The following NOTCH4 variants were observed in gnomAD, a reference collection of about 807,000 sequenced individuals.
NOTCH4 encodes the protein notch receptor 4, also known as neurogenic locus notch homolog protein 4.
A neutral mutation model predicts 189.0 loss-of-function variants in NOTCH4; 138 were observed. That is an observed-to-expected ratio of 0.73 (90% CI 0.64 to 0.84). NOTCH4 has a LOEUF of 0.84. Ranked by LOEUF, NOTCH4 falls within the 40% of genes least tolerant of loss-of-function variation. The pLI is 0.00. For missense variants in NOTCH4, 2,286 were observed against 2,605.4 expected, an observed-to-expected ratio of 0.88 and a Z score of 2.67; for synonymous variants, 942 against 1,032.8, an observed-to-expected ratio of 0.91 and a Z score of 1.69.
chr6:32,207,081 C>G (rs977039027), intron 18 of NOTCH4, among the ~76,000 whole-genome samples: 1 of 151,672 alleles, frequency 6.6e-6, no homozygotes, highest in Non-Finnish European at 1.5e-5. Flanking sequence ...AGGTGCGCAC[C>G]ACCATGCCTG....
At chr6:32,196,235 C>T in intron 29 of NOTCH4, 85 bp from the exon 30 acceptor site, 1 of 1,611,214 alleles carries the variant, frequency 6.2e-7, no homozygotes, top group Non-Finnish European at 8.5e-7. Context: ...CGACCACTGG[C>T]CCCTATCCCT....
chr6:32,205,777 C>T lies in NOTCH4; in HGVS notation c.2866-1388G>A, dbSNP rs1478103394. ...GCACGGTGGCTCACGCCTGTAATCC[C>T]AGCAGTTTGGGAGGTCAAGGCGGGT... On this transcript the variant is annotated intron_variant, in intron 18 of 29. Transcript: ENST00000375023. Among the ~76,000 whole-genome samples the T allele has an allele frequency of 2.0e-5, 3 of 151,968 alleles. No individual in the cohort carries two copies. In the East Asian group the frequency reaches 5.9e-4, roughly 30 times the overall value.
At position 32,198,667 on chromosome 6, in the gene NOTCH4, C is replaced by G. The variant is rs1788133932; in HGVS notation, c.4599G>C (p.Glu1533Asp). 2.5e-6 allele frequency: 4 copies of G among 1,612,608 alleles called. No homozygotes were observed. Among genetic ancestry groups the G allele is most frequent in the South Asian group, 1.1e-5 (1 of 91,000 alleles). The change falls in exon 25 of 30, where the codon GAG becomes GAC. Residue 1533 changes from glutamate (E) to aspartate (D), a missense_variant. By Grantham distance (45) the Glu-to-Asp change is conservative. Around this residue, in one of 2 missense-constraint regions of NOTCH4, gnomAD observed 1,903 missense variants for 2,261.9 expected, o/e 0.84. Coordinates refer to ENST00000375023, the MANE Select transcript of NOTCH4 (RefSeq NM_004557.4). This position sits in a 1 kb window ranked among gnomAD's most constrained non-coding sequence, Gnocchi z 5.5. ...DGVVMCSGPE[E>D]GEEVGQAEET... ...CTTTCACCTGGCCCACCTCCTCTCC[C>G]TCCTCAGGGCCTGAGCACATCACAA... is the stretch of plus-strand genomic sequence containing the variant.
At position 32,196,400 on chromosome 6, in the gene NOTCH4, G is replaced by A. The variant is rs752717843; in HGVS notation, c.5222C>T (p.Ala1741Val). ...DKWGKTALHW[A>V]AAVNNARAAR... ...GGCTCGGGCGTTGTTCACGGCAGCA[G>A]CCCAGTGCAGCGCAGTTTTCCCTAG... Residue 1741 changes from alanine (A) to valine (V), a missense_variant, in exon 29 of 30, where the codon GCT (alanine) becomes GTT (valine). Transcript: ENST00000375023. The A allele has an allele frequency of 1.2e-6, 2 of 1,613,022 alleles. No homozygotes were observed. Among genetic ancestry groups the A allele is most frequent in the Admixed American group, 1.7e-5 (1 of 60,008 alleles).
In NOTCH4 at chr6:32,197,457, C is replaced by T. The variant is rs1364647067; in HGVS notation, c.4894G>A (p.Gly1632Ser). ...GGACPQAHTV[G>S]TGETPLHLAA... ...AGGTGCAGGGGGGTCTCCCCAGTGCCCACGGTGTGAGCCTGGGGACAGGCC... is the reference window on the plus strand; with the variant it reads ...AGGTGCAGGGGGGTCTCCCCAGTGCTCACGGTGTGAGCCTGGGGACAGGCC... The change falls in exon 27 of 30, where the codon GGC (glycine) becomes AGC (serine). Residue 1632 changes from glycine to serine, a missense_variant. Around this residue, in one of 2 missense-constraint regions of NOTCH4, gnomAD observed 1,903 missense variants for 2,261.9 expected, o/e 0.84. Coordinates refer to ENST00000375023, the MANE Select transcript of NOTCH4 (RefSeq NM_004557.4). The T allele has an allele frequency of 4.4e-6, 7 of 1,578,310 alleles. No homozygotes were observed. In the Admixed American group the frequency reaches 9.3e-5, roughly 21 times the overall value.
rs8192576 is a variant in NOTCH4 at position 32,197,523 on chromosome 6, A to G, written c.4828T>C (p.Leu1610=). Residue 1610 remains leucine (L), a synonymous_variant, in exon 27 of 30, where the codon TTG becomes CTG. Transcript: ENST00000375023. ...GGTTCCCAGGGCTCAGGACATCCCA[A>G]CCATGCCCCTTGGAAGGTCCCGGAC... ...VQSGTFQGAW[L]GCPEPWEPLL... 14,620 of 1,611,888 alleles carry G rather than the reference A, an allele frequency of 9.1e-3. 124 individuals carry two copies. Among genetic ancestry groups the G allele is most frequent in the Middle Eastern group, 0.014 (82 of 6,056 alleles).
intron 13 of NOTCH4, 116 bp downstream of exon 13, chr6:32,213,994 C>G: frequency 7.0e-7 from 1 of 1,431,598 alleles, no homozygotes; most frequent in Non-Finnish European, 9.6e-7. Flanking sequence ...ACCCGTGTCC[C>G]CTGCAGTCCA....
chr6:32,215,437 T>C, intron 11 of NOTCH4, 52 bp from the exon 12 acceptor site: 1 of 1,528,284 alleles, frequency 6.5e-7, no homozygotes, highest in Non-Finnish European at 8.8e-7. Flanking sequence ...CATCCTTCAT[T>C]GGGCCAAAGC....
chr6:32,208,308 C>T (rs1355627085), intron 18 of NOTCH4, among the ~76,000 whole-genome samples: 2 of 152,080 alleles, frequency 1.3e-5, no homozygotes, highest in Non-Finnish European at 2.9e-5. Flanking sequence ...AAAAAATGAG[C>T]AAATTATCTG....
chr6:32,199,140 G>C lies in NOTCH4; in HGVS notation c.4321C>G (p.Pro1441Ala). 2 of 1,589,384 alleles carry C rather than the reference G, an allele frequency of 1.3e-6. No individual in the cohort carries two copies. Among genetic ancestry groups the C allele is most frequent in the East Asian group, 4.6e-5 (2 of 43,882 alleles). Residue 1441 changes from proline (P) to alanine (A), a missense_variant, in exon 24 of 30, where the codon CCT (proline) becomes GCT (alanine). Pro to Ala is a conservative substitution (Grantham distance 27, BLOSUM62 -1). This residue lies in a region of NOTCH4 where 1,903 missense variants were observed against 2,261.9 expected (regional missense o/e 0.84). Coordinates refer to ENST00000375023, the MANE Select transcript of NOTCH4 (RefSeq NM_004557.4). The surrounding 1 kb of genome is among the most constrained non-coding windows in gnomAD (Gnocchi z 4.9). The part of the protein sequence containing the change: ...AVHPHAGTAP[P>A]ANQLPWPVLC... ...ACAGGCCAGGGAAGCTGGTTGGCAG[G>C]GGGTGCTGGTGGGAGAGACAGAGTC...
chr6:32,197,963 A>G (rs908095300), intron 26 of NOTCH4, among the ~76,000 whole-genome samples: 3 of 151,924 alleles, frequency 2.0e-5, no homozygotes, highest in Admixed American at 6.6e-5. Flanking sequence ...CTGGGACTAC[A>G]GGCTCCCGCC....
intron 17 of NOTCH4, 118 bp from the exon 18 acceptor site, chr6:32,211,054 T>C (rs1788984688): frequency 1.1e-6 from 1 of 906,222 alleles, no homozygotes; most frequent in Non-Finnish European, 1.6e-6. Flanking sequence ...AGGTTAGGAG[T>C]GTGAGACCAG....
intron 1 of NOTCH4, 95 bp from the exon 2 acceptor site, chr6:32,223,181 T>C (rs1789903317): frequency 4.5e-6 from 4 of 890,840 alleles, no homozygotes; most frequent in Non-Finnish European, 7.6e-6. Flanking sequence ...CCACAGCAGC[T>C]CCCACAGGTA....
rs1462154527 is a variant in NOTCH4, at chr6:32,220,813, C to T, written c.865G>A (p.Gly289Ser). ...GTGTCCAGCCCATCCTGGCAAGTGC[C>T]CCCATTCTGACACTGGTGGCTGACA... ...NCVSHQCQNG[G>S]TCQDGLDTYT... is the part of the protein sequence containing the mutation. The change falls in exon 5 of 30, where the codon GGC becomes AGC. Residue 289 changes from glycine to serine, a missense_variant. Around this residue, in one of 2 missense-constraint regions of NOTCH4, gnomAD observed 1,903 missense variants for 2,261.9 expected, o/e 0.84. Coordinates refer to ENST00000375023, the MANE Select transcript of NOTCH4 (RefSeq NM_004557.4). 1 of 1,614,126 alleles carries T rather than the reference C, an allele frequency of 6.2e-7. No homozygotes were observed. Among genetic ancestry groups the T allele is most frequent in the Non-Finnish European group, 8.5e-7 (1 of 1,179,984 alleles).
rs1789090738 is a variant in NOTCH4, at chr6:32,212,563, G to A, written c.2591C>T (p.Pro864Leu). The change falls in exon 17 of 30, where the codon CCC becomes CTC. Residue 864 changes from proline to leucine, a missense_variant. Pro to Leu is a moderately conservative substitution (Grantham distance 98, BLOSUM62 -3). Coordinates refer to ENST00000375023, the MANE Select transcript of NOTCH4 (RefSeq NM_004557.4). This position sits in a 1 kb window ranked among gnomAD's most constrained non-coding sequence, Gnocchi z 4.4. The part of the protein sequence containing the change: ...PRNSHCLQTG[P>L]SFHCLCLQGW... Reference sequence around the variant, plus strand: ...CTGGAGGCACAAGCAGTGGAAGGAGGGCCCAGTCTGGAGGCAGTGGGAATT... The same window carrying A: ...CTGGAGGCACAAGCAGTGGAAGGAGAGCCCAGTCTGGAGGCAGTGGGAATT... 2 of 1,613,172 alleles carry A rather than the reference G, an allele frequency of 1.2e-6. No individual in the cohort carries two copies. Among genetic ancestry groups the A allele is most frequent in the Non-Finnish European group, 1.7e-6 (2 of 1,179,964 alleles).
rs206018 is a variant in NOTCH4, at chr6:32,210,103, C to G, written c.2865+649G>C. On this transcript the variant is annotated intron_variant, in intron 18 of 29. Transcript: ENST00000375023. The surrounding 1 kb of genome is among the most constrained non-coding windows in gnomAD (Gnocchi z 4.8). Reference sequence around the variant, plus strand: ...CACAAAGAAGAGGCCCTAATCCAGCCTGGGGAGAAGTTAGGGACATCTTCC... The same window carrying G: ...CACAAAGAAGAGGCCCTAATCCAGCGTGGGGAGAAGTTAGGGACATCTTCC... Among the ~76,000 whole-genome samples the G allele has an allele frequency of 0.2, 31,038 of 152,060 alleles. 3,277 individuals carry two copies. The highest frequency in any genetic ancestry group is 0.27 in the Admixed American group (4,118 of 15,274).
Position 32,206,491 on chromosome 6 carries a change from A to G in NOTCH4, c.2866-2102T>C, listed in dbSNP as rs149498245. Among the ~76,000 whole-genome samples the G allele has an allele frequency of 4.2e-3, 644 of 152,236 alleles. 5 individuals carry two copies. The highest frequency in any genetic ancestry group is 0.014 in the African/African-American group (595 of 41,570). On this transcript the variant is annotated intron_variant, in intron 18 of 29. Coordinates refer to ENST00000375023, the MANE Select transcript of NOTCH4 (RefSeq NM_004557.4). ...AAAAACAAATGAATAAATTTAACCA[A>G]AGAAGTGAAAGAGTACTGCAATGAC...
chr6:32,195,375 G>T lies in NOTCH4; in HGVS notation c.*62C>A, dbSNP rs1270969092. 7 of 1,471,732 alleles carry T rather than the reference G, an allele frequency of 4.8e-6. No individual in the cohort carries two copies. In the Admixed American group the frequency reaches 9.0e-5, roughly 19 times the overall value. The allele number at this position is 1,471,732 out of a possible 1,614,324, so 91.2% of individuals were successfully genotyped here. A position where few individuals can be genotyped will look rare whatever the true frequency, so the allele number is the denominator to read the frequency against. On this transcript the variant is annotated 3_prime_UTR_variant, in exon 30 of 30. Coordinates refer to ENST00000375023, the MANE Select transcript of NOTCH4 (RefSeq NM_004557.4). This position sits in a 1 kb window ranked among gnomAD's most constrained non-coding sequence, Gnocchi z 5.4. ...GGGGATCCATCTTAAAACCAGGAAG[G>T]CCTTCCAGCCTGCCTTTTAATGGGT...
At chr6:32,211,645 G>A (rs1009652906) in intron 17 of NOTCH4, among the ~76,000 whole-genome samples, 3 of 145,798 alleles carry the variant, frequency 2.1e-5, no homozygotes, top group Admixed American at 1.4e-4. Flanking sequence ...AAATAAATAA[G>A]GTATGTGAGG....
Sources: gnomAD v4.1 joint callset for allele counts (sites outside exome capture counted in the v4.1 genomes callset) on GRCh38, gnomAD v4.1.1 for gene constraint, gnomAD v4.1.1 regional missense constraint, Gnocchi (gnomAD v3.1) non-coding constraint, MANE v1.5 for transcripts, NCBI Gene and HGNC (gene_info 2026-07-23, HGNC 2026-07-21) for gene names.